FSTL4: variants seen among roughly 807,000 people sequenced by gnomAD.
FSTL4 encodes follistatin-related protein 4.
A neutral mutation model predicts 78.2 loss-of-function variants in FSTL4; 28 were observed. That is an observed-to-expected ratio of 0.36 (90% CI 0.27 to 0.49). The LOEUF is 0.49. FSTL4 is among the 20% of genes least tolerant of loss of function. FSTL4 has a pLI of 0.98. For synonymous variants in FSTL4, 422 were observed against 440.5 expected (o/e 0.96, Z 0.53); for missense variants, 922 against 1,084.9 (o/e 0.85, Z 2.11).
At chr5:133,619,165 G>A in the FSTL4 span, among the ~76,000 whole-genome samples, 1 of 152,082 alleles carries the variant, frequency 6.6e-6, no homozygotes, top group South Asian at 2.1e-4. Context: ...AGGTACACAG[G>A]AAGAGGTGGT....
the FSTL4 span, among the ~76,000 whole-genome samples, chr5:133,826,155 G>T: frequency 2.0e-5 from 3 of 152,250 alleles, no homozygotes; most frequent in Non-Finnish European, 4.4e-5. Flanking sequence ...ACATGAGAGG[G>T]ACACTGAGAC....
the FSTL4 span, among the ~76,000 whole-genome samples, chr5:133,635,555 G>C: frequency 6.6e-6 from 1 of 152,128 alleles, no homozygotes; most frequent in Admixed American, 6.5e-5. Flanking sequence ...CCTGAGGTCA[G>C]GAGTTCGAGA....
intron 4 of FSTL4, among the ~76,000 whole-genome samples, chr5:133,348,149 G>A (rs1484539903): frequency 2.0e-5 from 3 of 152,190 alleles, no homozygotes; most frequent in African/African-American, 7.2e-5. Context: ...GAGCATAAAG[G>A]TATCAAACTC....
intron 2 of FSTL4, among the ~76,000 whole-genome samples, chr5:133,579,988 C>T (rs79075186): frequency 0.036 from 5,466 of 152,180 alleles, 322 homozygotes; most frequent in African/African-American, 0.12. Flanking sequence ...GTGCAAGTGG[C>T]GTCTGATTGG....
chr5:133,466,355 A>T (rs994911729), intron 3 of FSTL4, among the ~76,000 whole-genome samples: 20 of 152,128 alleles, frequency 1.3e-4, no homozygotes, highest in Non-Finnish European at 2.5e-4. Context: ...ATTCTGGCTA[A>T]CACGGTGAAA....
chr5:133,661,683 T>C, the FSTL4 span, among the ~76,000 whole-genome samples: 1 of 152,226 alleles, frequency 6.6e-6, no homozygotes, highest in Non-Finnish European at 1.5e-5. Context: ...TGAAAAGTGG[T>C]TTCCAATGGA....
intron 7 of FSTL4, among the ~76,000 whole-genome samples, chr5:133,239,287 A>T (rs1296613840): frequency 7.2e-6 from 1 of 138,692 alleles, no homozygotes; most frequent in Non-Finnish European, 1.5e-5. Context: ...CCAGAAGAGC[A>T]CTGCTCCCTG....
Position 133,199,631 on chromosome 5 carries a change from G to T in FSTL4, c.1993C>A (p.Pro665Thr). ...AGCAGCTGTCGGGCAGCAGAGGCGG[G>T]GCTGTCCTGTCGGCACTGGATGAAG... is the stretch of plus-strand genomic sequence containing the variant. Reference protein sequence around the residue: ...YFFIQCRQDSPASAARQLLVD... With the variant: ...YFFIQCRQDSTASAARQLLVD... The change falls in exon 16 of 16, where the codon CCC becomes ACC. Residue 665 changes from proline to threonine, a missense_variant. Physicochemically the swap from Pro to Thr is conservative, Grantham distance 38. Coordinates refer to ENST00000265342, the MANE Select transcript of FSTL4 (RefSeq NM_015082.2). This position sits in a 1 kb window ranked among gnomAD's most constrained non-coding sequence, Gnocchi z 4.4. 1 of 1,614,174 alleles carries T rather than the reference G, an allele frequency of 6.2e-7. No individual in the cohort carries two copies.
chr5:133,533,888 TC>T (rs1299421465), intron 3 of FSTL4, among the ~76,000 whole-genome samples: 1 of 151,914 alleles, frequency 6.6e-6, no homozygotes, highest in Non-Finnish European at 1.5e-5. Context: ...CAGCTCTGGC[TC>T]CCCCGAGTCC....
At chr5:133,485,339 G>T (rs1758110357) in intron 3 of FSTL4, among the ~76,000 whole-genome samples, 1 of 152,224 alleles carries the variant, frequency 6.6e-6, no homozygotes. Flanking sequence ...AGAGAAAGCA[G>T]GAGGGAACCC....
intron 3 of FSTL4, among the ~76,000 whole-genome samples, chr5:133,461,070 A>G (rs1757582915): frequency 6.6e-6 from 1 of 152,216 alleles, no homozygotes; most frequent in Admixed American, 6.5e-5. Context: ...TCCTGTGGAA[A>G]AAAATGCATT....
chr5:133,601,108 G>A (rs1760858563), intron 2 of FSTL4, among the ~76,000 whole-genome samples: 1 of 152,168 alleles, frequency 6.6e-6, no homozygotes, highest in East Asian at 1.9e-4. Context: ...AGATTTGCTG[G>A]GGAAAACCAT....
rs149560639 is a variant in FSTL4 at position 133,294,296 on chromosome 5, G to T, written c.727+18358C>A. Among the ~76,000 whole-genome samples the T allele has an allele frequency of 3.7e-3, 570 of 152,236 alleles. 2 individuals are homozygous for T. The highest frequency in any genetic ancestry group is 0.014 in the Middle Eastern group (4 of 294). On this transcript the variant is annotated intron_variant, in intron 6 of 15. Transcript: ENST00000265342. ...GAAGGTACTCTGTGTGGTGTCCAGG[G>T]TGTTAATTTTGGAGGACATCCCCTG...
the FSTL4 span, among the ~76,000 whole-genome samples, chr5:133,813,905 G>T: frequency 6.3e-4 from 96 of 152,306 alleles, no homozygotes; most frequent in African/African-American, 2.2e-3. Context: ...AGTTGCACAG[G>T]GTGAGAGCAA....
intron 7 of FSTL4, among the ~76,000 whole-genome samples, chr5:133,245,289 TC>T (rs1752006266): frequency 6.6e-6 from 1 of 151,968 alleles, no homozygotes; most frequent in Non-Finnish European, 1.5e-5. Flanking sequence ...TCAACAAGGC[TC>T]CCCTCACTTC....
intron 5 of FSTL4, 112 bp downstream of exon 5, chr5:133,316,347 T>G: frequency 1.3e-5 from 10 of 763,054 alleles, no homozygotes; most frequent in Non-Finnish European, 2.1e-5. Context: ...ATTTTGTTTG[T>G]GAGATGTTCT....
chr5:133,240,824 A>C (rs185173216), intron 7 of FSTL4, among the ~76,000 whole-genome samples: 11 of 152,270 alleles, frequency 7.2e-5, no homozygotes, highest in African/African-American at 2.6e-4. Context: ...GGAAGCCCTG[A>C]GAGGAAGGAT....
intron 3 of FSTL4, among the ~76,000 whole-genome samples, chr5:133,552,686 AC>A (rs558426311): frequency 1.1e-4 from 16 of 152,214 alleles, no homozygotes; most frequent in Non-Finnish European, 1.8e-4. Flanking sequence ...GTCATATGAA[AC>A]AAATATGGAA....
At chr5:133,221,165 G>C (rs1751089602) in intron 11 of FSTL4, among the ~76,000 whole-genome samples, 1 of 152,114 alleles carries the variant, frequency 6.6e-6, no homozygotes, top group South Asian at 2.1e-4. Flanking sequence ...ATGTACATTT[G>C]ACCTTTCCTG....
Sources: gnomAD v4.1 joint callset for allele counts (sites outside exome capture counted in the v4.1 genomes callset) on GRCh38, gnomAD v4.1.1 for gene constraint, Gnocchi (gnomAD v3.1) non-coding constraint, MANE v1.5 for transcripts, NCBI Gene and HGNC (gene_info 2026-07-23, HGNC 2026-07-21) for gene names.